Variants in UMAD1 observed in about 807,000 individuals in gnomAD.
UMAD1 encodes UBAP1-MVB12-associated (UMA)-domain containing protein 1.
A neutral mutation model predicts 6.1 loss-of-function variants in UMAD1; 8 were observed. That is an observed-to-expected ratio of 1.30 (90% confidence interval 0.76 to 2.35). The LOEUF (loss-of-function observed/expected upper bound fraction) is 2.35, where lower values mean the gene tolerates loss of function less well. Among genes scored for constraint, UMAD1 ranks in the 30% most tolerant of loss-of-function variants. The pLI, the probability that UMAD1 is intolerant of heterozygous loss-of-function variation, is 0.00. For missense variants in UMAD1, 130 were observed against 78.4 expected (o/e 1.66, Z -2.49); for synonymous variants, 56 against 31.4 (o/e 1.78, Z -2.61).
intron 2 of UMAD1, among the ~76,000 whole-genome samples, chr7:7,741,611 T>TAATAAA (rs1270043277): frequency 7.1e-6 from 1 of 141,270 alleles, no homozygotes; most frequent in East Asian, 2.0e-4. Context: ...ATAATAATAA[T>TAATAAA]AATAAAAATA....
Position 7,710,341 on chromosome 7 carries a change from C to G in UMAD1, c.82+36888C>G, listed in dbSNP as rs560593263. The stretch of plus-strand genomic sequence containing the variant: ...AAAGGACTAGTCCCTAGAATAAGTA[C>G]TTGCAAAACTCAGCAGTAAAAAACA... On this transcript the variant is annotated intron_variant, in intron 2 of 3. Transcript: ENST00000682710. 6.6e-5 allele frequency among the ~76,000 whole-genome samples: 10 copies of G among 152,108 alleles called. 1 individual carries two copies. Among genetic ancestry groups the G allele is most frequent in the African/African-American group, 2.4e-4 (10 of 41,486 alleles).
chr7:7,811,735 T>C (rs1206607742), intron 3 of UMAD1, among the ~76,000 whole-genome samples: 1 of 152,180 alleles, frequency 6.6e-6, no homozygotes, highest in African/African-American at 2.4e-5. Flanking sequence ...TTTTAGGCAT[T>C]GATTAATCAA....
At chr7:7,826,664 A>G (rs1431732909) in intron 3 of UMAD1, among the ~76,000 whole-genome samples, 1 of 152,136 alleles carries the variant, frequency 6.6e-6, no homozygotes, top group African/African-American at 2.4e-5. Flanking sequence ...ATCTTCAACC[A>G]TAGCAGGAGG....
intron 2 of UMAD1, among the ~76,000 whole-genome samples, chr7:7,674,085 CCCAGAAATTCTCTTT>C (rs1779679810): frequency 1.3e-5 from 2 of 152,190 alleles, no homozygotes; most frequent in Admixed American, 1.3e-4. Flanking sequence ...GTATGCTCTT[CCCAGAAATTCTCTTT>C]CCAAAGTATG....
At chr7:7,789,765 A>G (rs961129725) in intron 2 of UMAD1, among the ~76,000 whole-genome samples, 5 of 152,294 alleles carry the variant, frequency 3.3e-5, no homozygotes, top group African/African-American at 4.8e-5. Flanking sequence ...AGTTTCATCC[A>G]TGTTGTAGCA....
intron 3 of UMAD1, among the ~76,000 whole-genome samples, chr7:7,808,057 C>T (rs1405671884): frequency 1.3e-5 from 2 of 151,836 alleles, no homozygotes. Flanking sequence ...CAAAGTTCAC[C>T]ATGTTTTTGG....
At chr7:7,730,507 C>G (rs1382036073) in intron 2 of UMAD1, among the ~76,000 whole-genome samples, 1 of 152,190 alleles carries the variant, frequency 6.6e-6, no homozygotes, top group Non-Finnish European at 1.5e-5. Context: ...AAACTTACCT[C>G]TGATTGCATT....
At chr7:7,806,341 C>A (rs2115279324) in intron 3 of UMAD1, among the ~76,000 whole-genome samples, 1 of 152,074 alleles carries the variant, frequency 6.6e-6, no homozygotes, top group South Asian at 2.1e-4. Flanking sequence ...CTTTGTGAAC[C>A]CTTTTCTCTG....
intron 2 of UMAD1, among the ~76,000 whole-genome samples, chr7:7,750,356 T>C (rs1781653868): frequency 6.6e-6 from 1 of 152,168 alleles, no homozygotes; most frequent in Non-Finnish European, 1.5e-5. Flanking sequence ...TTATCAGAGA[T>C]AGATATGGTA....
chr7:7,745,769 A>G (rs1781560505), intron 2 of UMAD1, among the ~76,000 whole-genome samples: 1 of 152,230 alleles, frequency 6.6e-6, no homozygotes, highest in Non-Finnish European at 1.5e-5. Flanking sequence ...GTACGATGAC[A>G]AATGGCCTGT....
intron 2 of UMAD1, among the ~76,000 whole-genome samples, chr7:7,798,366 G>A (rs913315658): frequency 6.6e-5 from 10 of 152,036 alleles, no homozygotes; most frequent in Admixed American, 1.3e-4. Context: ...AAAGAAAATC[G>A]CATGGCTGTA....
intron 2 of UMAD1, among the ~76,000 whole-genome samples, chr7:7,757,119 G>C (rs1378921389): frequency 1.3e-5 from 2 of 152,162 alleles, no homozygotes; most frequent in African/African-American, 4.8e-5. Flanking sequence ...GTTAGTAAAA[G>C]GAGAAAAATC....
In UMAD1 at chr7:7,830,119, A is replaced by G. The variant is rs747440180; in HGVS notation, c.156+28376A>G. On this transcript the variant is annotated intron_variant, in intron 3 of 3. Transcript: ENST00000682710. The surrounding 1 kb of genome is among the most constrained non-coding windows in gnomAD (Gnocchi z 5.3). ...TTTCCCACCTCTCCCTCAAAAATCT[A>G]CTATGTTATTTGTTCCTTAAGAGGC... Among the ~76,000 whole-genome samples the G allele has an allele frequency of 7.9e-5, 12 of 152,152 alleles. No homozygotes were observed. The highest frequency in any genetic ancestry group is 1.3e-4 in the Non-Finnish European group (9 of 68,030).
intron 2 of UMAD1, among the ~76,000 whole-genome samples, chr7:7,681,467 C>T (rs955522471): frequency 3.3e-5 from 5 of 151,928 alleles, no homozygotes; most frequent in South Asian, 2.1e-4. Context: ...ATTAAGATTT[C>T]GAAAGCTTTT....
At chr7:7,728,110 A>G (rs1781176153) in intron 2 of UMAD1, among the ~76,000 whole-genome samples, 1 of 152,122 alleles carries the variant, frequency 6.6e-6, no homozygotes, top group Admixed American at 6.5e-5. Flanking sequence ...TCAGAGTACC[A>G]GCTTGAAGCC....
At chr7:7,822,068 A>G (rs1783251581) in intron 3 of UMAD1, among the ~76,000 whole-genome samples, 1 of 152,128 alleles carries the variant, frequency 6.6e-6, no homozygotes, top group Non-Finnish European at 1.5e-5. Flanking sequence ...CAAAACCTAC[A>G]TATGGTAGGA....
intron 2 of UMAD1, among the ~76,000 whole-genome samples, chr7:7,787,201 G>A (rs529513991): frequency 7.3e-4 from 111 of 152,250 alleles, no homozygotes; most frequent in African/African-American, 2.6e-3. Flanking sequence ...AAACCAAGCA[G>A]TACTGTGGAA....
At chr7:7,867,798 A>T (rs1451699670) in intron 3 of UMAD1, among the ~76,000 whole-genome samples, 1 of 152,126 alleles carries the variant, frequency 6.6e-6, no homozygotes, top group Non-Finnish European at 1.5e-5. Flanking sequence ...GTCGAATTTT[A>T]AAAAATGGTT....
At chr7:7,661,810 T>C (rs1267481974) in intron 1 of UMAD1, among the ~76,000 whole-genome samples, 3 of 152,206 alleles carry the variant, frequency 2.0e-5, no homozygotes, top group East Asian at 3.8e-4. Flanking sequence ...GGAGGCAGTC[T>C]GACCCTTAGC....
Sources: allele counts gnomAD v4.1 joint callset (sites outside exome capture counted in the v4.1 genomes callset), GRCh38; gene constraint gnomAD v4.1.1; non-coding constraint Gnocchi (gnomAD v3.1); transcripts MANE v1.5; gene names NCBI Gene and HGNC (gene_info 2026-07-23, HGNC 2026-07-21).